Variants in CD8B observed in about 807,000 individuals in gnomAD.
The protein encoded by CD8B is CD8 subunit beta, also known as T-cell surface glycoprotein CD8 beta chain.
Under a neutral mutation model 24.2 loss-of-function variants are expected in CD8B, and 6 were observed. The ratio of observed to expected loss-of-function variants is 0.25; its 90% confidence interval spans 0.14 to 0.49. The LOEUF (loss-of-function observed/expected upper bound fraction) is 0.49, where lower values mean the gene tolerates loss of function less well. CD8B is among the 20% of genes least tolerant of loss of function. CD8B has a pLI of 0.98. For missense variants in CD8B, 196 were observed against 271.3 expected (o/e 0.72, Z 1.95); for synonymous variants, 84 against 108.3 (o/e 0.78, Z 1.39).
chr2:86,844,879 A>C lies in CD8B; in HGVS notation c.620+43T>G, dbSNP rs776195149. ...GCAGTTAGAGGCTGCAAGCTGCAGC[A>C]GGGGCTGAGGAACCCAAGGCCACAC... On this transcript the variant is annotated intron_variant, in intron 5 of 5. Transcript: ENST00000390655. 3 of 1,555,946 alleles carry C rather than the reference A, an allele frequency of 1.9e-6. No individual in the cohort carries two copies. In the Admixed American group the frequency reaches 5.8e-5, roughly 30 times the overall value.
chr2:86,821,130 G>A (rs1159003198), intron 5 of CD8B, among the ~76,000 whole-genome samples: 1 of 150,212 alleles, frequency 6.7e-6, no homozygotes, highest in Non-Finnish European at 1.5e-5. Flanking sequence ...CTCTTGAAAG[G>A]ATCAACTTTA....
intron 5 of CD8B, among the ~76,000 whole-genome samples, chr2:86,842,935 A>C (rs1473432892): frequency 1.3e-5 from 2 of 152,086 alleles, no homozygotes; most frequent in Non-Finnish European, 2.9e-5. Flanking sequence ...CTGGGCTTGC[A>C]AAAGCATGAG....
chr2:86,844,978 G>A lies in CD8B; in HGVS notation c.584-20C>T, dbSNP rs1193420482. On this transcript the variant is annotated intron_variant, in intron 4 of 5. Coordinates refer to ENST00000390655, the MANE Select transcript of CD8B (RefSeq NM_004931.5). ...GCCGGCCTGGAAGAGGAAAGCAAGG[G>A]CGCCAGTCAGTGTGGGCTGTGGGTC... 1.9e-6 allele frequency: 3 copies of A among 1,556,730 alleles called. No homozygotes were observed. The highest frequency in any genetic ancestry group is 2.6e-6 in the Non-Finnish European group (3 of 1,149,978).
chr2:86,823,394 C>G (rs1260577973), intron 5 of CD8B, among the ~76,000 whole-genome samples: 1 of 152,134 alleles, frequency 6.6e-6, no homozygotes, highest in Non-Finnish European at 1.5e-5. Flanking sequence ...ATCTTCACAT[C>G]TCAGACTCCC....
At chr2:86,827,142 A>C (rs180986826) in intron 5 of CD8B, among the ~76,000 whole-genome samples, 1 of 152,188 alleles carries the variant, frequency 6.6e-6, no homozygotes, top group Admixed American at 6.5e-5. Context: ...TTGTGGCAGC[A>C]AAGAGTTCAT....
At chr2:86,820,610 C>T (rs1674427382) in intron 5 of CD8B, among the ~76,000 whole-genome samples, 1 of 152,054 alleles carries the variant, frequency 6.6e-6, no homozygotes, top group African/African-American at 2.4e-5. Context: ...TTTATGTACA[C>T]TGGGAAACCA....
At chr2:86,837,470 C>T (rs1439954403), downstream of CD8B, among the ~76,000 whole-genome samples, 2 of 152,070 alleles carry the variant, frequency 1.3e-5, no homozygotes, top group Admixed American at 1.3e-4. Flanking sequence ...TCACAGTTCC[C>T]CGGGAGTGTC....
chr2:86,835,066 C>T (rs1421873592), downstream of CD8B, among the ~76,000 whole-genome samples: 1 of 152,182 alleles, frequency 6.6e-6, no homozygotes, highest in African/African-American at 2.4e-5. Context: ...AGTATTACTC[C>T]CTCTCCCACT....
intron 5 of CD8B, chr2:86,833,141 T>C: frequency 7.6e-6 from 2 of 263,982 alleles, no homozygotes; most frequent in Non-Finnish European, 7.8e-6. Context: ...ATTCCCTGCA[T>C]CCTGCTTTTC....
At chr2:86,818,003 A>T (rs1384351893) in intron 5 of CD8B, among the ~76,000 whole-genome samples, 1 of 152,148 alleles carries the variant, frequency 6.6e-6, no homozygotes, top group Non-Finnish European at 1.5e-5. Context: ...TGAGTTCAGG[A>T]GTTCGAGACC....
chr2:86,861,855 C>G lies in CD8B; in HGVS notation c.11G>C (p.Arg4Pro), dbSNP rs964575377. 7.8e-7 allele frequency: 1 copy of G among 1,284,312 alleles called. No individual in the cohort carries two copies. The highest frequency in any genetic ancestry group is 4.0e-5 in the Admixed American group (1 of 25,242). 79.6% of individuals were successfully genotyped at this position (1,284,312 alleles called of 1,614,324 possible). ...CTGCGCGGCCAAGAGGAGCCACAGCCGCGGCCGCATCGTGGCGCGCCCGGG... is the reference window on the plus strand; with the variant it reads ...CTGCGCGGCCAAGAGGAGCCACAGCGGCGGCCGCATCGTGGCGCGCCCGGG... The part of the protein sequence containing the change: MRP[R>P]LWLLLAAQLT... The change falls in exon 1 of 6, where the codon CGG becomes CCG. Residue 4 changes from arginine to proline, a missense_variant. Physicochemically the swap from Arg to Pro is moderately radical, Grantham distance 103 (BLOSUM62 -2). Transcript: ENST00000390655.
At chr2:86,834,340 C>T (rs144365140), downstream of CD8B, among the ~76,000 whole-genome samples, 48,999 of 151,456 alleles carry the variant, frequency 0.32, 8,410 homozygotes, top group Non-Finnish European at 0.39. Flanking sequence ...ATGCAAATGA[C>T]AGATTATTAT....
At chr2:86,859,141 CA>C (rs1199780749) in intron 1 of CD8B, among the ~76,000 whole-genome samples, 1 of 151,944 alleles carries the variant, frequency 6.6e-6, no homozygotes, top group Non-Finnish European at 1.5e-5. Context: ...GAGAGGAGCC[CA>C]GAATCACAGC....
At chr2:86,829,206 T>A (rs1674812828) in intron 5 of CD8B, among the ~76,000 whole-genome samples, 1 of 149,288 alleles carries the variant, frequency 6.7e-6, no homozygotes, top group African/African-American at 2.5e-5. Flanking sequence ...TTTAAGCGAT[T>A]TCCCCCGCCT....
At chr2:86,818,209 AAAAT>A (rs916315775) in intron 5 of CD8B, among the ~76,000 whole-genome samples, 7 of 152,040 alleles carry the variant, frequency 4.6e-5, no homozygotes, top group East Asian at 1.9e-4. Flanking sequence ...ACTCCATCTC[AAAAT>A]AAATAAATAA....
chr2:86,822,749 C>T (rs1674528397), intron 5 of CD8B, among the ~76,000 whole-genome samples: 1 of 152,090 alleles, frequency 6.6e-6, no homozygotes, highest in Non-Finnish European at 1.5e-5. Context: ...ACTTCCCTTC[C>T]CAGAGAGCAA....
chr2:86,851,815 G>A (rs1363778409), intron 3 of CD8B, among the ~76,000 whole-genome samples: 4 of 152,188 alleles, frequency 2.6e-5, no homozygotes, highest in African/African-American at 9.7e-5. Flanking sequence ...GAAAACGTGT[G>A]CATGGGCATG....
rs1171009751 is a variant in CD8B at position 86,841,667 on chromosome 2, G to A, written c.*640C>T. 3 of 984,764 alleles carry A rather than the reference G, an allele frequency of 3.0e-6. No homozygotes were observed. Among genetic ancestry groups the A allele is most frequent in the African/African-American group, 1.7e-5 (1 of 57,338 alleles). The allele number at this position is 984,764 out of a possible 1,614,324, so 61.0% of individuals were successfully genotyped here. ...GAAAATGAAAGAAGCATTAAGCCAT[G>A]GGAGAGTAGAAATGGGAGCTGAGAA... On this transcript the variant is annotated 3_prime_UTR_variant, in exon 6 of 6. Transcript: ENST00000390655.
rs747895168 is a variant in CD8B at position 86,858,180 on chromosome 2, G to A, written c.280C>T (p.Arg94Trp). 1.7e-5 allele frequency: 28 copies of A among 1,613,876 alleles called. No individual in the cohort carries two copies. The East Asian group carries it at 4.0e-4, about 23-fold the overall frequency. The change falls in exon 2 of 6, where the codon CGG becomes TGG. Residue 94 changes from arginine (R) to tryptophan (W), a missense_variant. By Grantham distance (101) the Arg-to-Trp change is moderately radical (BLOSUM62 -3). Coordinates refer to ENST00000390655, the MANE Select transcript of CD8B (RefSeq NM_004931.5). ...EVEQEKIAVF[R>W]DASRFILNLT... The stretch of plus-strand genomic sequence containing the variant: ...TTGAGAATGAACCGGCTTGCATCCC[G>A]AAACACAGCTATCTTCTCCTGTTCC...
Sources: gnomAD v4.1 joint callset for allele counts (sites outside exome capture counted in the v4.1 genomes callset) on GRCh38, gnomAD v4.1.1 for gene constraint, MANE v1.5 for transcripts, NCBI Gene and HGNC (gene_info 2026-07-23, HGNC 2026-07-21) for gene names.